Variants in KIT observed in about 807,000 individuals in gnomAD.
KIT encodes KIT proto-oncogene, receptor tyrosine kinase, also known as mast/stem cell growth factor receptor Kit.
Under a neutral mutation model 105.7 loss-of-function variants are expected in KIT, and 16 were observed. The observed-to-expected ratio is 0.15, with a 90% CI of 0.10 to 0.23. The LOEUF (loss-of-function observed/expected upper bound fraction) is 0.23. Among genes scored for constraint, KIT ranks in the 10% least tolerant of loss-of-function variants. The probability of loss-of-function intolerance (pLI) is 1.00; values close to 1 mark genes in which losing one functional copy is unlikely to be tolerated. For synonymous variants in KIT, 438 were observed against 441.1 expected (o/e 0.99, Z 0.09); for missense variants, 858 against 1,213.8 (o/e 0.71, Z 4.36).
chr4:54,685,239 A>G (rs1719228732), intron 1 of KIT, among the ~76,000 whole-genome samples: 1 of 152,110 alleles, frequency 6.6e-6, no homozygotes, highest in South Asian at 2.1e-4. Flanking sequence ...GTGTGCCAGT[A>G]AGACTCCAGA....
intron 5 of KIT, 127 bp downstream of exon 5, chr4:54,704,019 G>A: frequency 3.4e-6 from 3 of 874,126 alleles, no homozygotes; most frequent in Non-Finnish European, 3.8e-6. Flanking sequence ...CTGAATGAAT[G>A]AAAATTATCC....
Position 54,658,001 on chromosome 4 carries a change from T to A in KIT, c.-14T>A, listed in dbSNP as rs140909964. The A allele has an allele frequency of 5.3e-3, 8,496 of 1,613,094 alleles. 35 individuals carry two copies. Among genetic ancestry groups the A allele is most frequent in the Non-Finnish European group, 6.5e-3 (7,718 of 1,179,292 alleles). Reference sequence around the variant, plus strand: ...AACGTGGACCAGAGCTCGGATCCCATCGCAGCTACCGCGATGAGAGGCGCT... The same window carrying A: ...AACGTGGACCAGAGCTCGGATCCCAACGCAGCTACCGCGATGAGAGGCGCT... On this transcript the variant is annotated 5_prime_UTR_variant, in exon 1 of 21. Transcript: ENST00000288135.
chr4:54,664,882 C>G, intron 1 of KIT, among the ~76,000 whole-genome samples: 1 of 139,770 alleles, frequency 7.2e-6, no homozygotes, highest in East Asian at 2.0e-4. Flanking sequence ...GCCACCACAC[C>G]TGGCCTGTTT....
intron 17 of KIT, among the ~76,000 whole-genome samples, chr4:54,734,916 G>C (rs1038798932): frequency 1.3e-5 from 2 of 152,128 alleles, no homozygotes; most frequent in African/African-American, 2.4e-5. Context: ...AAGTAAATTT[G>C]TGATATGTCA....
chr4:54,716,693 C>T (rs368184029), intron 7 of KIT, among the ~76,000 whole-genome samples: 3 of 152,050 alleles, frequency 2.0e-5, no homozygotes, highest in Non-Finnish European at 2.9e-5. Context: ...AGGAGCGAGG[C>T]GGGACTCTGA....
chr4:54,728,760 T>C (rs1408504687), intron 13 of KIT, among the ~76,000 whole-genome samples: 1 of 152,170 alleles, frequency 6.6e-6, no homozygotes, highest in Non-Finnish European at 1.5e-5. Context: ...CATGAGAAAA[T>C]TTCTTACCCA....
At chr4:54,731,491 T>C (rs1722596629) in intron 15 of KIT, 72 bp downstream of exon 15, 1 of 1,035,576 alleles carries the variant, frequency 9.7e-7, no homozygotes, top group South Asian at 1.3e-5. Flanking sequence ...ATGTGGAATA[T>C]AACATCATTC....
intron 3 of KIT, among the ~76,000 whole-genome samples, chr4:54,698,923 T>C (rs955986411): frequency 6.6e-6 from 1 of 152,246 alleles, no homozygotes; most frequent in African/African-American, 2.4e-5. Context: ...AGATGATTCA[T>C]TCTTTGATTT....
intron 1 of KIT, among the ~76,000 whole-genome samples, chr4:54,689,974 CT>C (rs1719578194): frequency 6.6e-6 from 1 of 151,232 alleles, no homozygotes; most frequent in Non-Finnish European, 1.5e-5. Context: ...CACAATATGC[CT>C]TTCTGTCTGG....
At chr4:54,716,475 C>T (rs1489743307) in intron 7 of KIT, among the ~76,000 whole-genome samples, 1 of 151,910 alleles carries the variant, frequency 6.6e-6, no homozygotes, top group Non-Finnish European at 1.5e-5. Flanking sequence ...TTATAGGTTA[C>T]CATTACTAAT....
intron 1 of KIT, among the ~76,000 whole-genome samples, chr4:54,690,137 A>G (rs1404497860): frequency 1.3e-5 from 2 of 148,512 alleles, no homozygotes; most frequent in Non-Finnish European, 3.0e-5. Flanking sequence ...ATTGGGTTTT[A>G]TAAGTTATTG....
chr4:54,695,263 G>A (rs1206584089), intron 1 of KIT, among the ~76,000 whole-genome samples: 2 of 152,148 alleles, frequency 1.3e-5, no homozygotes, highest in Admixed American at 1.3e-4. Flanking sequence ...AGAAGGCTGG[G>A]GCATTCAGCA....
chr4:54,729,933 A>G (rs17084705), intron 14 of KIT, among the ~76,000 whole-genome samples: 3,521 of 152,250 alleles, frequency 0.023, 130 homozygotes, highest in African/African-American at 0.079. Flanking sequence ...ACATATCTCC[A>G]CATGTAGGCT....
In KIT at chr4:54,738,735, A is replaced by G. The variant is rs926809309; in HGVS notation, c.*178A>G. The G allele has an allele frequency of 1.3e-6, 1 of 754,412 alleles. No homozygotes were observed. Among genetic ancestry groups the G allele is most frequent in the Non-Finnish European group, 2.3e-6 (1 of 432,396 alleles). The allele number at this position is 754,412 out of a possible 1,614,324, so 46.7% of individuals were successfully genotyped here. ...GATTTTTGTCATCAGCCACCATCCT[A>G]TTGCAAAGGTTCCAACTGTATATAT... On this transcript the variant is annotated 3_prime_UTR_variant, in exon 21 of 21. Transcript: ENST00000288135.
intron 7 of KIT, among the ~76,000 whole-genome samples, chr4:54,713,286 A>G (rs1721273625): frequency 6.6e-6 from 1 of 151,648 alleles, no homozygotes. Flanking sequence ...CTAGGTCCCC[A>G]AAGTTCATTC....
At position 54,740,377 on chromosome 4, in the gene KIT, T is replaced by C; in HGVS notation, c.*1820T>C. The C allele has an allele frequency of 4.3e-6, 1 of 233,448 alleles. No homozygotes were observed. Among genetic ancestry groups the C allele is most frequent in the Non-Finnish European group, 8.5e-6 (1 of 117,972 alleles). The allele number at this position is 233,448 out of a possible 1,614,324, so 14.5% of individuals were successfully genotyped here. A position where few individuals can be genotyped will look rare whatever the true frequency, so the allele number is the denominator to read the frequency against. Reference sequence around the variant, plus strand: ...TTGTTAGTTATAGATGTCTAGGTACTTCAGGGGCACTTCATTGAGAGTTTT... The same window carrying C: ...TTGTTAGTTATAGATGTCTAGGTACCTCAGGGGCACTTCATTGAGAGTTTT... On this transcript the variant is annotated 3_prime_UTR_variant, in exon 21 of 21. Coordinates refer to ENST00000288135, the MANE Select transcript of KIT (RefSeq NM_000222.3).
Position 54,698,501 on chromosome 4 carries a change from T to G in KIT, c.555T>G (p.His185Gln), listed in dbSNP as rs1227095960. The change falls in exon 3 of 21, where the codon CAT (histidine) becomes CAG (glutamine). Residue 185 changes from histidine (H) to glutamine (Q), a missense_variant. His to Gln is a conservative substitution (Grantham distance 24). Coordinates refer to ENST00000288135, the MANE Select transcript of KIT (RefSeq NM_000222.3). Reference sequence around the variant, plus strand: ...GCGCCTACCATCGGCTCTGTCTGCATTGTTCTGTGGACCAGGAGGGCAAGT... The same window carrying G: ...GCGCCTACCATCGGCTCTGTCTGCAGTGTTCTGTGGACCAGGAGGGCAAGT... Reference protein sequence around the residue: ...VKRAYHRLCLHCSVDQEGKSV... With the variant: ...VKRAYHRLCLQCSVDQEGKSV... 2.5e-6 allele frequency: 4 copies of G among 1,614,070 alleles called. No individual in the cohort carries two copies. The African/African-American group carries it at 5.3e-5, about 22-fold the overall frequency.
intron 5 of KIT, among the ~76,000 whole-genome samples, 157 bp downstream of exon 5, chr4:54,704,049 A>G (rs1720631195): frequency 6.6e-6 from 1 of 152,224 alleles, no homozygotes. Flanking sequence ...CTTGCAATGA[A>G]AGCACAAAAC....
rs535735314 is a variant in KIT, at chr4:54,688,042, C to G, written c.68-7470C>G. Among the ~76,000 whole-genome samples the G allele has an allele frequency of 4.6e-5, 7 of 152,312 alleles. No homozygotes were observed. The South Asian group carries it at 1.0e-3, about 23-fold the overall frequency. ...GGGACATTTTTGAGATTCTCTGTTG[C>G]ATGGCTTCCTTTGGTTCATGTGGGT... On this transcript the variant is annotated intron_variant, in intron 1 of 20. Transcript: ENST00000288135.
Sources: gnomAD v4.1 joint callset for allele counts (sites outside exome capture counted in the v4.1 genomes callset) on GRCh38, gnomAD v4.1.1 for gene constraint, MANE v1.5 for transcripts, NCBI Gene and HGNC (gene_info 2026-07-23, HGNC 2026-07-21) for gene names.